FCHSD2: variants seen among roughly 807,000 people sequenced by gnomAD.
FCHSD2 encodes F-BAR and double SH3 domains protein 2.
A neutral mutation model predicts 108.1 loss-of-function variants in FCHSD2; 38 were observed. The ratio of observed to expected loss-of-function variants is 0.35; its 90% CI spans 0.27 to 0.46. The LOEUF is 0.46. Ranked by LOEUF, FCHSD2 falls within the 20% of genes least tolerant of loss-of-function variation. The probability of loss-of-function intolerance (pLI) is 1.00; values close to 1 mark genes in which losing one functional copy is unlikely to be tolerated. For missense variants in FCHSD2, 751 were observed against 897.8 expected, an observed-to-expected ratio of 0.84 and a Z score of 2.09; for synonymous variants, 279 against 314.7, an observed-to-expected ratio of 0.89 and a Z score of 1.20.
intron 8 of FCHSD2, among the ~76,000 whole-genome samples, chr11:72,940,253 A>C (rs1019688426): frequency 1.3e-5 from 2 of 152,180 alleles, no homozygotes; most frequent in Non-Finnish European, 2.9e-5. Flanking sequence ...TTGTGTGTTT[A>C]TATTATGCTT....
In FCHSD2 at chr11:73,082,323, T is replaced by C. The variant is rs189325569; in HGVS notation, c.165+1372A>G. Reference sequence around the variant, plus strand: ...CTGCACTCTAGCCTGGATCACAGAGTGAGACTTGTCCCAAAAAAAAAAAAA... The same window carrying C: ...CTGCACTCTAGCCTGGATCACAGAGCGAGACTTGTCCCAAAAAAAAAAAAA... On this transcript the variant is annotated intron_variant, in intron 3 of 19. Coordinates refer to ENST00000409418, the MANE Select transcript of FCHSD2 (RefSeq NM_014824.3). 6.9e-4 allele frequency among the ~76,000 whole-genome samples: 68 copies of C among 98,858 alleles called. 3 individuals are homozygous for C. In the Admixed American group the frequency reaches 0.011, roughly 16 times the overall value. 64.9% of individuals were successfully genotyped at this position (98,858 alleles called of 152,430 possible). A position where few individuals can be genotyped will look rare whatever the true frequency, so the allele number is the denominator to read the frequency against.
chr11:73,099,090 C>T (rs2135530949), intron 2 of FCHSD2, among the ~76,000 whole-genome samples: 1 of 150,792 alleles, frequency 6.6e-6, no homozygotes, highest in Middle Eastern at 3.4e-3. Flanking sequence ...GTGGTACATG[C>T]CTATTGTCCC....
chr11:73,005,242 T>A (rs981680306), intron 4 of FCHSD2, among the ~76,000 whole-genome samples: 1 of 152,218 alleles, frequency 6.6e-6, no homozygotes, highest in Non-Finnish European at 1.5e-5. Flanking sequence ...CTTGAAAGAA[T>A]TGTCTAAAAT....
intron 13 of FCHSD2, among the ~76,000 whole-genome samples, chr11:72,854,301 A>G (rs1440256014): frequency 6.6e-6 from 1 of 152,250 alleles, no homozygotes; most frequent in Non-Finnish European, 1.5e-5. Context: ...CACATTATTC[A>G]CAAAAGGTAG....
chr11:72,889,899 A>G lies in FCHSD2; in HGVS notation c.971T>C (p.Leu324Pro). The G allele has an allele frequency of 6.2e-7, 1 of 1,613,554 alleles. No homozygotes were observed. Among genetic ancestry groups the G allele is most frequent in the Non-Finnish European group, 8.5e-7 (1 of 1,179,582 alleles). ...GGCCCATTTTCGAGCTTCCTTATTT[A>G]GACTGTGCTCCTCTGTGGTCCCAGT... Reference protein sequence around the residue: ...SETGTTEEHSLNKEARKWATR... With the variant: ...SETGTTEEHSPNKEARKWATR... The change falls in exon 11 of 20, where the codon CTA (leucine) becomes CCA (proline). Residue 324 changes from leucine (L) to proline (P), a missense_variant. By Grantham distance (98) the Leu-to-Pro change is moderately conservative (BLOSUM62 -3). Transcript: ENST00000409418.
intron 2 of FCHSD2, among the ~76,000 whole-genome samples, chr11:73,129,472 G>A (rs530496726): frequency 5.9e-5 from 9 of 152,216 alleles, no homozygotes; most frequent in South Asian, 2.1e-4. Context: ...CTCATGGCAC[G>A]AACCCTATTG....
chr11:73,003,488 A>ATTTTT (rs574233006), intron 4 of FCHSD2, among the ~76,000 whole-genome samples: 3,449 of 139,278 alleles, frequency 0.025, 157 homozygotes, highest in African/African-American at 0.087. Context: ...TCATAGAGTG[A>ATTTTT]TTTTTTTTTT....
chr11:73,124,492 A>T (rs981047222), intron 2 of FCHSD2, among the ~76,000 whole-genome samples: 1 of 152,196 alleles, frequency 6.6e-6, no homozygotes, highest in African/African-American at 2.4e-5. Context: ...GCAGTGGCTC[A>T]CACCTGTAAT....
rs1428855214 is a variant in FCHSD2 at position 72,869,220 on chromosome 11, T to C, written c.1147-1194A>G. ...CCTCACCCAGCCAAGTTACCATTTA[T>C]TATAAACTTCTTGTTTATATCCCTA... On this transcript the variant is annotated intron_variant, in intron 12 of 19. Coordinates refer to ENST00000409418, the MANE Select transcript of FCHSD2 (RefSeq NM_014824.3). 2.0e-5 allele frequency among the ~76,000 whole-genome samples: 3 copies of C among 152,192 alleles called. No homozygotes were observed. The East Asian group carries it at 5.8e-4, about 29-fold the overall frequency.
At position 73,084,928 on chromosome 11, in the gene FCHSD2, GCAAAGAC is replaced by G. The variant is rs370570752; in HGVS notation, c.120-1195_120-1189del. Among the ~76,000 whole-genome samples, 414 of 148,564 alleles carry G rather than the reference GCAAAGAC, an allele frequency of 2.8e-3. 1 individual carries two copies. Among genetic ancestry groups the G allele is most frequent in the African/African-American group, 9.8e-3 (394 of 40,250 alleles). Reference sequence around the variant, plus strand: ...GTGCTCTTAAAATCACTGCACCAGTGCAAAGACCAAAGACATAAGAGTAAGAAGGAGG... The same window carrying G: ...GTGCTCTTAAAATCACTGCACCAGTGCAAAGACATAAGAGTAAGAAGGAGG... On this transcript the variant is annotated intron_variant, in intron 2 of 19. Transcript: ENST00000409418.
chr11:73,064,937 A>G (rs1414575839), intron 3 of FCHSD2, among the ~76,000 whole-genome samples: 1 of 152,210 alleles, frequency 6.6e-6, no homozygotes, highest in African/African-American at 2.4e-5. Context: ...TACAAAGGGG[A>G]GTTGGTACCA....
At chr11:72,906,206 T>TC (rs1855627166) in intron 9 of FCHSD2, among the ~76,000 whole-genome samples, 1 of 152,290 alleles carries the variant, frequency 6.6e-6, no homozygotes, top group Admixed American at 6.5e-5. Flanking sequence ...TTTTCATGTC[T>TC]GTTGGCTGCA....
intron 8 of FCHSD2, among the ~76,000 whole-genome samples, chr11:72,937,222 G>A (rs1856321128): frequency 1.3e-5 from 2 of 152,154 alleles, no homozygotes; most frequent in Non-Finnish European, 2.9e-5. Flanking sequence ...AGATATTTAG[G>A]TATCTAAATC....
At chr11:73,040,639 T>C (rs1026820381) in intron 3 of FCHSD2, among the ~76,000 whole-genome samples, 1 of 152,248 alleles carries the variant, frequency 6.6e-6, no homozygotes, top group Non-Finnish European at 1.5e-5. Context: ...GCACACATGA[T>C]ATTTTGATAC....
chr11:73,118,977 T>C (rs1299686049), intron 2 of FCHSD2, among the ~76,000 whole-genome samples: 2 of 152,152 alleles, frequency 1.3e-5, no homozygotes, highest in Non-Finnish European at 2.9e-5. Context: ...GGCTAATAAA[T>C]AAATAATTAA....
At position 73,083,709 on chromosome 11, in the gene FCHSD2, T is replaced by C; in HGVS notation, c.151A>G (p.Arg51Gly). The stretch of plus-strand genomic sequence containing the variant: ...TTCAAGCTTACCTGTGCATACTCTC[T>C]TTCAATAGCAGCCTTCTTCTGACTG... ...TFSQKKAAIE[R>G]EYAQGMQKLA... The change falls in exon 3 of 20, where the codon AGA (arginine) becomes GGA (glycine). Residue 51 changes from arginine (R) to glycine (G), a missense_variant. By Grantham distance (125) the Arg-to-Gly change is moderately radical (BLOSUM62 -2). Coordinates refer to ENST00000409418, the MANE Select transcript of FCHSD2 (RefSeq NM_014824.3). 1 of 1,546,466 alleles carries C rather than the reference T, an allele frequency of 6.5e-7. No individual in the cohort carries two copies.
At chr11:72,927,330 T>C (rs1789034663) in intron 8 of FCHSD2, among the ~76,000 whole-genome samples, 1 of 152,202 alleles carries the variant, frequency 6.6e-6, no homozygotes, top group South Asian at 2.1e-4. Context: ...CATTATACAT[T>C]TGTCTAAACT....
At chr11:72,927,863 C>T (rs889738796) in intron 8 of FCHSD2, among the ~76,000 whole-genome samples, 2 of 152,180 alleles carry the variant, frequency 1.3e-5, no homozygotes, top group Non-Finnish European at 2.9e-5. Flanking sequence ...CTGTTTTCAA[C>T]GGGGAATCAC....
At chr11:72,864,718 C>A (rs1221542095) in intron 13 of FCHSD2, among the ~76,000 whole-genome samples, 1 of 152,128 alleles carries the variant, frequency 6.6e-6, no homozygotes, top group South Asian at 2.1e-4. Context: ...TTTTGGTAAT[C>A]TGCTTATATA....
Sources: gnomAD v4.1 joint callset for allele counts (sites outside exome capture counted in the v4.1 genomes callset) on GRCh38, gnomAD v4.1.1 for gene constraint, MANE v1.5 for transcripts, NCBI Gene and HGNC (gene_info 2026-07-23, HGNC 2026-07-21) for gene names.